The following ZNF362 variants were observed in gnomAD, a reference collection of about 807,000 sequenced individuals.
The protein encoded by ZNF362 is zinc finger protein 362.
Under a neutral mutation model 42.9 loss-of-function variants are expected in ZNF362, and 11 were observed. That is an observed-to-expected ratio of 0.26 (90% CI 0.16 to 0.42). The LOEUF is 0.42. Ranked by LOEUF, ZNF362 falls within the 20% of genes least tolerant of loss-of-function variation. ZNF362 has a pLI of 1.00. For synonymous variants in ZNF362, 255 were observed against 257.3 expected (o/e 0.99, Z 0.09); for missense variants, 362 against 576.2 (o/e 0.63, Z 3.81).
the ZNF362 span, among the ~76,000 whole-genome samples, chr1:33,225,336 T>G: frequency 6.6e-6 from 1 of 152,196 alleles, no homozygotes; most frequent in African/African-American, 2.4e-5. Flanking sequence ...CATTATTACC[T>G]TCTGACATAT....
the ZNF362 span, among the ~76,000 whole-genome samples, chr1:33,221,875 T>C: frequency 6.6e-6 from 1 of 152,072 alleles, no homozygotes; most frequent in Non-Finnish European, 1.5e-5. Flanking sequence ...GGATAGGCTG[T>C]GGGAAGGCTG....
the ZNF362 span, among the ~76,000 whole-genome samples, chr1:33,204,926 A>C: frequency 6.6e-6 from 1 of 152,218 alleles, no homozygotes; most frequent in Non-Finnish European, 1.5e-5. Flanking sequence ...GCCTTAAAAT[A>C]TAGGAAATAC....
At chr1:33,194,730 G>A in the ZNF362 span, 1 of 152,006 alleles carries the variant, frequency 6.6e-6, no homozygotes, top group Non-Finnish European at 1.5e-5. Context: ...ACCTCATGGT[G>A]TTGCTATGAG....
the ZNF362 span, among the ~76,000 whole-genome samples, chr1:33,197,922 T>C: frequency 2.0e-5 from 3 of 152,174 alleles, no homozygotes; most frequent in Non-Finnish European, 4.4e-5. Context: ...TAGAAAAATC[T>C]CATAACTCTT....
chr1:33,275,394 A>G, intron 2 of ZNF362: 1 of 985,472 alleles, frequency 1.0e-6, no homozygotes, highest in Non-Finnish European at 1.2e-6. Flanking sequence ...CCCTAGCTTC[A>G]GCCTCTTCAG....
intron 7 of ZNF362, 61 bp downstream of exon 7, chr1:33,295,076 A>G: frequency 6.4e-7 from 1 of 1,571,124 alleles, no homozygotes. Flanking sequence ...CCACCCCCAC[A>G]AGGAAGCGTA....
the ZNF362 span, among the ~76,000 whole-genome samples, chr1:33,180,759 A>T: frequency 2.0e-5 from 3 of 151,570 alleles, no homozygotes; most frequent in South Asian, 6.3e-4. Context: ...CTTCTCCCTA[A>T]CCGCGGACCA....
chr1:33,141,502 T>G, the ZNF362 span, among the ~76,000 whole-genome samples: 1 of 152,088 alleles, frequency 6.6e-6, no homozygotes, highest in African/African-American at 2.4e-5. Flanking sequence ...AGCATTCAGA[T>G]TCGATCACAT....
chr1:33,208,780 G>A, the ZNF362 span, among the ~76,000 whole-genome samples: 1 of 152,194 alleles, frequency 6.6e-6, no homozygotes, highest in Non-Finnish European at 1.5e-5. Flanking sequence ...TTTGTATCCT[G>A]AGACTTTGCT....
the ZNF362 span, among the ~76,000 whole-genome samples, chr1:33,171,883 G>C: frequency 6.6e-6 from 1 of 152,178 alleles, no homozygotes; most frequent in Non-Finnish European, 1.5e-5. Context: ...CCAGGTTCAA[G>C]TGATACTCCT....
the ZNF362 span, among the ~76,000 whole-genome samples, chr1:33,210,748 C>A: frequency 6.6e-6 from 1 of 151,898 alleles, no homozygotes; most frequent in Non-Finnish European, 1.5e-5. Context: ...AGGATTGCAA[C>A]CCCTACTTTT....
chr1:33,187,477 G>A, the ZNF362 span, among the ~76,000 whole-genome samples: 1 of 152,172 alleles, frequency 6.6e-6, no homozygotes, highest in Non-Finnish European at 1.5e-5. Context: ...AGAGGAAGAG[G>A]TAGAAAGGAT....
chr1:33,276,368 T>C lies in ZNF362; in HGVS notation c.123T>C (p.Ile41=), dbSNP rs1275741516. ...MPSQLDNLVL[I]NKIKEQLMAE... ...CGCAGCTGGACAACCTGGTTCTGAT[T>C]AACAAGATCAAGGAGCAGCTGATGG... Residue 41 remains isoleucine, a synonymous_variant, in exon 4 of 9, where the codon ATT becomes ATC. Coordinates refer to ENST00000539719, the MANE Select transcript of ZNF362 (RefSeq NM_152493.3). The C allele has an allele frequency of 1.3e-6, 2 of 1,561,702 alleles. No individual in the cohort carries two copies. Among genetic ancestry groups the C allele is most frequent in the Non-Finnish European group, 1.7e-6 (2 of 1,152,656 alleles).
the ZNF362 span, among the ~76,000 whole-genome samples, chr1:33,171,240 C>A: frequency 2.0e-5 from 3 of 152,188 alleles, no homozygotes; most frequent in East Asian, 5.8e-4. Flanking sequence ...TACAGCTTAA[C>A]CCTGAGGAAG....
chr1:33,212,849 G>A, the ZNF362 span, among the ~76,000 whole-genome samples: 7 of 152,164 alleles, frequency 4.6e-5, no homozygotes, highest in Non-Finnish European at 7.3e-5. Flanking sequence ...GAAGACAGCC[G>A]AACTATATGA....
chr1:33,286,880 A>G (rs1385616644), intron 6 of ZNF362, among the ~76,000 whole-genome samples: 1 of 152,182 alleles, frequency 6.6e-6, no homozygotes, highest in Non-Finnish European at 1.5e-5. Context: ...GCATAAAAGA[A>G]GGTCATGTCC....
At chr1:33,215,027 A>G in the ZNF362 span, among the ~76,000 whole-genome samples, 487 of 152,332 alleles carry the variant, frequency 3.2e-3, 19 homozygotes, top group East Asian at 0.083. Flanking sequence ...TAGTGTATTG[A>G]TTAGATATCT....
At chr1:33,167,740 C>T in the ZNF362 span, among the ~76,000 whole-genome samples, 1 of 152,294 alleles carries the variant, frequency 6.6e-6, no homozygotes, top group African/African-American at 2.4e-5. The surrounding 1 kb of genome is among the most constrained non-coding windows in gnomAD (Gnocchi z 4.2). Context: ...CTTGTCAGAC[C>T]AGGGAGGGCC....
Position 33,262,508 on chromosome 1 carries a change from C to T in ZNF362, c.-89+5854C>T, listed in dbSNP as rs1025153988. Among the ~76,000 whole-genome samples, 7 of 151,976 alleles carry T rather than the reference C, an allele frequency of 4.6e-5. No individual in the cohort carries two copies. The East Asian group carries it at 7.8e-4, about 17-fold the overall frequency. The stretch of plus-strand genomic sequence containing the variant: ...ATTTTTAGTAGAGATGGGGTTTCAC[C>T]GTGTTAGCCAGGATGGTCTCGATCT... On this transcript the variant is annotated intron_variant, in intron 1 of 8. Transcript: ENST00000539719.
Sources: gnomAD v4.1 joint callset for allele counts (sites outside exome capture counted in the v4.1 genomes callset) on GRCh38, gnomAD v4.1.1 for gene constraint, Gnocchi (gnomAD v3.1) non-coding constraint, MANE v1.5 for transcripts, NCBI Gene and HGNC (gene_info 2026-07-23, HGNC 2026-07-21) for gene names.